IL13RA2: variants seen among roughly 807,000 people sequenced by gnomAD.
IL13RA2 encodes interleukin-13 receptor subunit alpha-2.
Under a neutral mutation model 34.1 loss-of-function variants are expected in IL13RA2, and 25 were observed. The ratio of observed to expected loss-of-function variants is 0.73; its 90% CI spans 0.53 to 1.03. The LOEUF is 1.03. Ranked by LOEUF, IL13RA2 falls within the 50% of genes least tolerant of loss-of-function variation. The probability of loss-of-function intolerance (pLI) is 0.00; values close to 1 mark genes in which losing one functional copy is unlikely to be tolerated. For synonymous variants in IL13RA2, 106 were observed against 100.4 expected (o/e 1.06, Z -0.33); for missense variants, 297 against 280.9 (o/e 1.06, Z -0.41).
chrX:115,005,336 G>A (rs1430213479), intron 8 of IL13RA2, 21 bp from the exon 9 acceptor site: 1 of 699,076 alleles, frequency 1.4e-6, no homozygotes, highest in Non-Finnish European at 2.3e-6. Context: ...AAATCACACG[G>A]AAAGGGGAAG....
intron 7 of IL13RA2, among the ~76,000 whole-genome samples, chrX:115,009,206 G>GTC (rs782310467): frequency 2.9e-5 from 3 of 102,805 alleles, no homozygotes; most frequent in African/African-American, 1.1e-4. Context: ...GTCTTTGTGG[G>GTC]TTTTTTTTTT....
At position 115,017,199 on chromosome X, in the gene IL13RA2, G is replaced by T; in HGVS notation, c.71C>A (p.Ser24Ter). 2.2e-6 allele frequency: 2 copies of T among 912,287 alleles called. No homozygotes were observed. Among genetic ancestry groups the T allele is most frequent in the Non-Finnish European group, 3.2e-6 (2 of 627,000 alleles). The allele number at this position is 912,287 out of a possible 1,213,427, so 75.2% of individuals were successfully genotyped here. The change falls in exon 2 of 10, where the codon TCA becomes TAA. Residue 24 changes from serine (S) to a stop codon, truncating the protein, a stop_gained. Transcript: ENST00000243213. LOFTEE classifies it high-confidence loss of function. ...ACCTTTTATCTCGGTGTCTGAAGAT[G>T]AAGTACAGCCAAATGTTGTGCTTAT... is the stretch of plus-strand genomic sequence containing the variant. ...FLISTTFGCT[S>*]SSDTEIKVNP...
chrX:115,013,478 T>C (rs781838433), intron 5 of IL13RA2, among the ~76,000 whole-genome samples: 159 of 111,735 alleles, frequency 1.4e-3, no homozygotes, highest in Non-Finnish European at 2.6e-3. Flanking sequence ...ATATAAAATA[T>C]GTCAAAATTG....
At chrX:115,009,907 C>A (rs1284362883) in intron 6 of IL13RA2, among the ~76,000 whole-genome samples, 7 of 111,852 alleles carry the variant, frequency 6.3e-5, no homozygotes, top group Non-Finnish European at 1.3e-4. Flanking sequence ...ATATATAAAT[C>A]CAAGAGAAAA....
intron 5 of IL13RA2, 27 bp from the exon 6 acceptor site, chrX:115,010,855 T>A: frequency 1.3e-6 from 1 of 775,961 alleles, no homozygotes; most frequent in Non-Finnish European, 1.8e-6. Context: ...GTGAGAATTG[T>A]GTTTAAATAA....
intron 7 of IL13RA2, among the ~76,000 whole-genome samples, chrX:115,009,262 A>G: frequency 9.1e-6 from 1 of 110,013 alleles, no homozygotes. Context: ...AATCCATCTT[A>G]AGCCTTCACC....
At chrX:115,006,553 C>T (rs181242738) in intron 8 of IL13RA2, among the ~76,000 whole-genome samples, 3 of 110,743 alleles carry the variant, frequency 2.7e-5, no homozygotes, top group East Asian at 5.7e-4. Flanking sequence ...CGTGGTGGTG[C>T]ATGCCCGTAA....
intron 8 of IL13RA2, among the ~76,000 whole-genome samples, chrX:115,007,660 G>T (rs1349204239): frequency 9.0e-6 from 1 of 111,506 alleles, no homozygotes; most frequent in Non-Finnish European, 1.9e-5. Context: ...ATAAGTTCCT[G>T]CCAATCTCTC....
intron 5 of IL13RA2, among the ~76,000 whole-genome samples, chrX:115,011,543 A>C (rs1307818344): frequency 1.8e-5 from 2 of 112,452 alleles, no homozygotes; most frequent in Non-Finnish European, 3.8e-5. Flanking sequence ...TTGCAATGCA[A>C]ACCATGACAT....
Position 115,005,277 on chromosome X carries a change from GC to G in IL13RA2, c.1035del (p.Trp345CysfsTer8). On this transcript the variant is annotated frameshift_variant, in exon 9 of 10. Transcript: ENST00000243213. LOFTEE classifies it high-confidence loss of function. ...DLSKKTLLRF[W>X]LPFGFILILV... ...AATATTAAGATGAAACCAAATGGTAGCCAGAAACGTAGCAAAGTTTTCTTCG... is the reference window on the plus strand; with the variant it reads ...AATATTAAGATGAAACCAAATGGTAGCAGAAACGTAGCAAAGTTTTCTTCG... 1 of 1,130,068 alleles carries G rather than the reference GC, an allele frequency of 8.8e-7. No individual in the cohort carries two copies. The highest frequency in any genetic ancestry group is 1.2e-6 in the Non-Finnish European group (1 of 821,193). 93.1% of individuals were successfully genotyped at this position (1,130,068 alleles called of 1,213,427 possible).
At chrX:115,006,018 C>T (rs961403674) in intron 8 of IL13RA2, among the ~76,000 whole-genome samples, 9 of 111,827 alleles carry the variant, frequency 8.0e-5, no homozygotes, top group African/African-American at 2.6e-4. Flanking sequence ...ATCTTAGCCA[C>T]GCATCTACAA....
Sources: gnomAD v4.1 joint callset for allele counts (sites outside exome capture counted in the v4.1 genomes callset) on GRCh38, gnomAD v4.1.1 for gene constraint, MANE v1.5 for transcripts, NCBI Gene and HGNC (gene_info 2026-07-23, HGNC 2026-07-21) for gene names.